The following LCOR variants were observed in gnomAD, a reference collection of about 807,000 sequenced individuals.
LCOR encodes the protein ligand dependent nuclear receptor corepressor.
LCOR carries 14 observed loss-of-function variants against 64.4 expected under a neutral mutation model. The observed-to-expected ratio is 0.22, with a 90% confidence interval of 0.14 to 0.34. The LOEUF is 0.34. Among genes scored for constraint, LCOR ranks in the 10% least tolerant of loss-of-function variants. The probability of loss-of-function intolerance (pLI) is 1.00; values close to 1 mark genes in which losing one functional copy is unlikely to be tolerated. For synonymous variants in LCOR, 643 were observed against 642.5 expected, an observed-to-expected ratio of 1.00 and a Z score of -0.01; for missense variants, 1,686 against 1,765.3, an observed-to-expected ratio of 0.96 and a Z score of 0.80.
intron 4 of LCOR, among the ~76,000 whole-genome samples, chr10:96,941,073 G>A (rs1335385206): frequency 3.2e-4 from 23 of 71,536 alleles, no homozygotes; most frequent in East Asian, 8.6e-4. Flanking sequence ...CCCCCCCCCC[G>A]CCTCCCTCCC....
intron 4 of LCOR, among the ~76,000 whole-genome samples, chr10:96,931,474 G>C (rs935633336): frequency 7.2e-5 from 11 of 152,082 alleles, no homozygotes; most frequent in African/African-American, 2.2e-4. Context: ...GACCTCAAGT[G>C]ATCCACTGCC....
intron 2 of LCOR, among the ~76,000 whole-genome samples, chr10:96,868,608 A>G (rs1206374864): frequency 6.6e-6 from 1 of 152,090 alleles, no homozygotes; most frequent in African/African-American, 2.4e-5. Flanking sequence ...TCAAATTCTT[A>G]AGATAAAGGA....
At chr10:96,965,384 C>T (rs1434132271) in intron 7 of LCOR, among the ~76,000 whole-genome samples, 5 of 150,822 alleles carry the variant, frequency 3.3e-5, no homozygotes, top group Admixed American at 6.6e-5. Flanking sequence ...TTTTGTCGGC[C>T]GGGCACGATG....
At position 96,976,356 on chromosome 10, in the gene LCOR, C is replaced by T. The variant is rs576168481; in HGVS notation, c.333-4437C>T. Reference sequence around the variant, plus strand: ...CTCTGATGCTACTGTTTTTTAGTATCCACATGCTGTATTACATTGTTCCAG... The same window carrying T: ...CTCTGATGCTACTGTTTTTTAGTATTCACATGCTGTATTACATTGTTCCAG... On this transcript the variant is annotated intron_variant, in intron 7 of 7. Coordinates refer to ENST00000421806, the MANE Select transcript of LCOR (RefSeq NM_001346516.2). Among the ~76,000 whole-genome samples, 14 of 152,220 alleles carry T rather than the reference C, an allele frequency of 9.2e-5. 1 individual carries two copies. The South Asian group carries it at 2.9e-3, about 32-fold the overall frequency.
intron 2 of LCOR, among the ~76,000 whole-genome samples, chr10:96,853,719 A>G (rs375200124): frequency 1.3e-5 from 2 of 152,142 alleles, no homozygotes. Flanking sequence ...GTTACCACGT[A>G]TTTTAGTCTG....
At chr10:96,920,608 A>C (rs1274236348) in intron 4 of LCOR, among the ~76,000 whole-genome samples, 1 of 143,696 alleles carries the variant, frequency 7.0e-6, no homozygotes, top group East Asian at 2.0e-4. Context: ...ATGTATATTC[A>C]TATATGTGTA....
At position 96,981,417 on chromosome 10, in the gene LCOR, T is replaced by C. The variant is rs374414530; in HGVS notation, c.957T>C (p.Ser319=). The change falls in exon 8 of 8, where the codon AGT becomes AGC. Residue 319 remains serine (S), a synonymous_variant. Coordinates refer to ENST00000421806, the MANE Select transcript of LCOR (RefSeq NM_001346516.2). ...TGCAGAGTTCAGCTTTAGTAGAAAG[T>C]CTAATTACAGTAAAAATGGCAGCTG... ...DHMQSSALVE[S]LITVKMAAEN... is the part of the protein sequence containing the mutation. The C allele has an allele frequency of 7.4e-6, 12 of 1,614,000 alleles. No homozygotes were observed. Among genetic ancestry groups the C allele is most frequent in the Non-Finnish European group, 9.3e-6 (11 of 1,180,036 alleles).
At chr10:96,960,847 A>G (rs1387859809) in intron 7 of LCOR, 4 of 152,142 alleles carry the variant, frequency 2.6e-5, no homozygotes, top group Non-Finnish European at 5.9e-5. Context: ...CTTTCTTCTC[A>G]GTTTATTTTG....
intron 7 of LCOR, among the ~76,000 whole-genome samples, chr10:96,971,006 A>G (rs1564643301): frequency 1.3e-5 from 2 of 152,228 alleles, no homozygotes; most frequent in Non-Finnish European, 2.9e-5. Context: ...TTACATCATC[A>G]TACATATATA....
At chr10:96,872,560 C>G (rs1846089956) in intron 2 of LCOR, among the ~76,000 whole-genome samples, 1 of 152,136 alleles carries the variant, frequency 6.6e-6, no homozygotes, top group Admixed American at 6.5e-5. Flanking sequence ...TGGTACGCAC[C>G]TGTAGTCCCA....
chr10:96,845,718 C>T lies in LCOR; in HGVS notation c.-330+12239C>T, dbSNP rs542373660. On this transcript the variant is annotated intron_variant, in intron 2 of 7. Coordinates refer to ENST00000421806, the MANE Select transcript of LCOR (RefSeq NM_001346516.2). ...TCCTGACCTCGTGATCTACCCGCCTCGGCCTCCCAAAGTGCTGGGATTACA... is the reference window on the plus strand; with the variant it reads ...TCCTGACCTCGTGATCTACCCGCCTTGGCCTCCCAAAGTGCTGGGATTACA... Among the ~76,000 whole-genome samples, 13 of 151,316 alleles carry T rather than the reference C, an allele frequency of 8.6e-5. No homozygotes were observed. In the East Asian group the frequency reaches 1.8e-3, roughly 21 times the overall value.
At chr10:96,911,416 A>T (rs762805524) in intron 4 of LCOR, among the ~76,000 whole-genome samples, 3 of 152,120 alleles carry the variant, frequency 2.0e-5, no homozygotes, top group Non-Finnish European at 2.9e-5. Context: ...TAATCTTCAA[A>T]ACAATCCTAT....
At chr10:96,931,911 T>C (rs1847267794) in intron 4 of LCOR, among the ~76,000 whole-genome samples, 1 of 152,160 alleles carries the variant, frequency 6.6e-6, no homozygotes, top group Admixed American at 6.5e-5. Context: ...AAGAGAAGAC[T>C]GAATGTTTTA....
chr10:96,882,209 T>A (rs1053387323), intron 2 of LCOR, among the ~76,000 whole-genome samples: 22 of 152,342 alleles, frequency 1.4e-4, no homozygotes, highest in African/African-American at 5.3e-4. Context: ...TTTTTGCACA[T>A]TTCTTTAATG....
rs1848224601 is a variant in LCOR, at chr10:96,994,248, T to C, written c.*9114T>C. 1 of 152,232 alleles carries C rather than the reference T, an allele frequency of 6.6e-6. No individual in the cohort carries two copies. The highest frequency in any genetic ancestry group is 1.5e-5 in the Non-Finnish European group (1 of 68,042). The allele number at this position is 152,232 out of a possible 1,614,324, so 9.4% of individuals were successfully genotyped here. On this transcript the variant is annotated 3_prime_UTR_variant, in exon 8 of 8. Transcript: ENST00000421806. The stretch of plus-strand genomic sequence containing the variant: ...CTATATTTGACCTACCTTTAAAACC[T>C]AGCCCATTTCATATCAGCCTCTTCT...
chr10:96,989,836 C>G lies in LCOR; in HGVS notation c.*4702C>G, dbSNP rs115215142. On this transcript the variant is annotated 3_prime_UTR_variant, in exon 8 of 8. Transcript: ENST00000421806. ...ATTACAAGTGAGCCACCGCACCAAC[C>G]CAAGTATGAGTTTCTATGCTGGTTT... 1.3e-5 allele frequency: 2 copies of G among 150,572 alleles called. No homozygotes were observed. Among genetic ancestry groups the G allele is most frequent in the African/African-American group, 4.9e-5 (2 of 40,728 alleles). 9.3% of individuals were successfully genotyped at this position (150,572 alleles called of 1,614,324 possible). A position where few individuals can be genotyped will look rare whatever the true frequency, so the allele number is the denominator to read the frequency against.
At chr10:96,939,556 CAAAG>C (rs749775000) in intron 4 of LCOR, among the ~76,000 whole-genome samples, 5 of 152,100 alleles carry the variant, frequency 3.3e-5, no homozygotes, top group Admixed American at 6.5e-5. Context: ...TAAGAAAACT[CAAAG>C]AATGGGAGAA....
rs1848156222 is a variant in LCOR at position 96,987,234 on chromosome 10, T to TA, written c.*2105dup. The stretch of plus-strand genomic sequence containing the variant: ...ATCTTAAAAAATGGTTTTAAGGTTT[T>TA]AAAAATGTCTTTTCATATAGTTGTC... On this transcript the variant is annotated 3_prime_UTR_variant, in exon 8 of 8. Coordinates refer to ENST00000421806, the MANE Select transcript of LCOR (RefSeq NM_001346516.2). 6.6e-6 allele frequency: 1 copy of TA among 152,274 alleles called. No homozygotes were observed. The highest frequency in any genetic ancestry group is 2.4e-5 in the African/African-American group (1 of 41,480). 9.4% of individuals were successfully genotyped at this position (152,274 alleles called of 1,614,324 possible).
intron 4 of LCOR, among the ~76,000 whole-genome samples, chr10:96,921,609 A>G (rs1288890801): frequency 6.6e-6 from 1 of 152,120 alleles, no homozygotes; most frequent in African/African-American, 2.4e-5. Flanking sequence ...TTACAGATGC[A>G]TGCCATCACA....
Sources: gnomAD v4.1 joint callset for allele counts (sites outside exome capture counted in the v4.1 genomes callset) on GRCh38, gnomAD v4.1.1 for gene constraint, MANE v1.5 for transcripts, NCBI Gene and HGNC (gene_info 2026-07-23, HGNC 2026-07-21) for gene names.